GPC5: variants seen among roughly 807,000 people sequenced by gnomAD.
The protein encoded by GPC5 is glypican 5.
Under a neutral mutation model 53.9 loss-of-function variants are expected in GPC5, and 47 were observed. The observed-to-expected ratio is 0.87, with a 90% CI of 0.69 to 1.11. The LOEUF (loss-of-function observed/expected upper bound fraction) is 1.11. Among genes scored for constraint, GPC5 ranks in the 50% most tolerant of loss-of-function variants. The probability of loss-of-function intolerance (pLI) is 0.00; values close to 1 mark genes in which losing one functional copy is unlikely to be tolerated. For missense variants in GPC5, 748 were observed against 713.1 expected (o/e 1.05, Z -0.56); for synonymous variants, 286 against 263.3 (o/e 1.09, Z -0.84).
intron 2 of GPC5, among the ~76,000 whole-genome samples, chr13:91,538,973 A>T (rs1886724867): frequency 6.6e-6 from 1 of 152,160 alleles, no homozygotes; most frequent in Admixed American, 6.5e-5. Flanking sequence ...CCTGAAAGAT[A>T]TTAATCATTA....
At chr13:91,538,628 G>A (rs996763877) in intron 2 of GPC5, among the ~76,000 whole-genome samples, 6 of 148,112 alleles carry the variant, frequency 4.1e-5, no homozygotes, top group African/African-American at 1.5e-4. Context: ...TGTCCCCCAG[G>A]CTGGAGTGCA....
chr13:91,402,150 G>C (rs1055995357), intron 1 of GPC5, among the ~76,000 whole-genome samples: 1 of 152,104 alleles, frequency 6.6e-6, no homozygotes, highest in African/African-American at 2.4e-5. Flanking sequence ...GAAAGGGGAA[G>C]TTCATAAAAA....
intron 7 of GPC5, among the ~76,000 whole-genome samples, chr13:92,637,191 G>T (rs1255045737): frequency 1.3e-5 from 2 of 152,106 alleles, no homozygotes; most frequent in African/African-American, 2.4e-5. Context: ...TTTCTGAAGA[G>T]AAATCTGATC....
intron 3 of GPC5, among the ~76,000 whole-genome samples, chr13:91,723,347 G>A (rs562512063): frequency 1.3e-5 from 2 of 151,290 alleles, no homozygotes; most frequent in African/African-American, 4.9e-5. Flanking sequence ...ATTTGCATGG[G>A]TTTAACTATT....
At chr13:92,756,495 AG>A (rs1874879703) in intron 7 of GPC5, among the ~76,000 whole-genome samples, 1 of 152,078 alleles carries the variant, frequency 6.6e-6, no homozygotes, top group Non-Finnish European at 1.5e-5. Flanking sequence ...ATCAGGCAGG[AG>A]AATGAAATAA....
At position 92,848,195 on chromosome 13, in the gene GPC5, T is replaced by G. The variant is rs114035961; in HGVS notation, c.1562-18087T>G. 9.7e-3 allele frequency among the ~76,000 whole-genome samples: 1,483 copies of G among 152,276 alleles called. 26 individuals are homozygous for G. The highest frequency in any genetic ancestry group is 0.034 in the African/African-American group (1,433 of 41,558). On this transcript the variant is annotated intron_variant, in intron 7 of 7. Transcript: ENST00000377067. ...CCTGTGTAAAAATATTAAAAAGTATTTTTTACATTTATGATTTTATTGAAT... is the reference window on the plus strand; with the variant it reads ...CCTGTGTAAAAATATTAAAAAGTATGTTTTACATTTATGATTTTATTGAAT...
chr13:92,827,695 C>T (rs920624910), intron 7 of GPC5, among the ~76,000 whole-genome samples: 24 of 152,074 alleles, frequency 1.6e-4, no homozygotes, highest in Admixed American at 7.2e-4. Flanking sequence ...AAAGTGCCTT[C>T]GGTTCCTTGA....
chr13:91,780,520 T>C lies in GPC5; in HGVS notation c.1280+24100T>C, dbSNP rs373127888. On this transcript the variant is annotated intron_variant, in intron 5 of 7. Coordinates refer to ENST00000377067, the MANE Select transcript of GPC5 (RefSeq NM_004466.6). ...CTTTCTTTTACGTTTCTCTTACCTC[T>C]ACCCTTCTATGAGCTTTAAGCTTCT... is the stretch of plus-strand genomic sequence containing the variant. 2.6e-5 allele frequency among the ~76,000 whole-genome samples: 4 copies of C among 152,296 alleles called. No homozygotes were observed. In the South Asian group the frequency reaches 8.3e-4, roughly 32 times the overall value.
At chr13:92,467,470 G>A (rs1878741781) in intron 7 of GPC5, among the ~76,000 whole-genome samples, 1 of 152,036 alleles carries the variant, frequency 6.6e-6, no homozygotes. Context: ...AGAAAATGAT[G>A]TTCTAATTGA....
chr13:91,774,793 C>A lies in GPC5; in HGVS notation c.1280+18373C>A, dbSNP rs182681752. ...CAACTCTGTGCTGCAATTTGTGTTT[C>A]ATTGCTTCCTGGTGGGATCAGAGGA... On this transcript the variant is annotated intron_variant, in intron 5 of 7. Transcript: ENST00000377067. Among the ~76,000 whole-genome samples, 38 of 152,300 alleles carry A rather than the reference C, an allele frequency of 2.5e-4. No individual in the cohort carries two copies. In the East Asian group the frequency reaches 7.3e-3, roughly 29 times the overall value.
chr13:92,360,370 T>C (rs2043555835), intron 7 of GPC5, among the ~76,000 whole-genome samples: 1 of 151,662 alleles, frequency 6.6e-6, no homozygotes, highest in Non-Finnish European at 1.5e-5. Flanking sequence ...GAACTAAAGA[T>C]AAAAACTTCA....
intron 7 of GPC5, among the ~76,000 whole-genome samples, chr13:92,481,693 G>A (rs1386631583): frequency 6.6e-6 from 1 of 152,096 alleles, no homozygotes; most frequent in African/African-American, 2.4e-5. Context: ...AGCTGAGATG[G>A]GGGATCATTT....
chr13:92,399,311 A>G (rs924485271), intron 7 of GPC5, among the ~76,000 whole-genome samples: 3 of 152,206 alleles, frequency 2.0e-5, no homozygotes, highest in Non-Finnish European at 4.4e-5. Flanking sequence ...TGAGTATAAT[A>G]CTAGAGACCA....
intron 2 of GPC5, among the ~76,000 whole-genome samples, chr13:91,570,453 G>A (rs2031730807): frequency 6.6e-6 from 1 of 152,174 alleles, no homozygotes; most frequent in Non-Finnish European, 1.5e-5. Flanking sequence ...AAGCACTTGT[G>A]TTCCAAAGGA....
At chr13:92,412,897 A>G (rs553371396) in intron 7 of GPC5, among the ~76,000 whole-genome samples, 1 of 152,198 alleles carries the variant, frequency 6.6e-6, no homozygotes, top group East Asian at 1.9e-4. Flanking sequence ...ACATGGAGGC[A>G]GTTGCTGGTA....
intron 7 of GPC5, among the ~76,000 whole-genome samples, chr13:92,543,046 A>G (rs1881979936): frequency 6.6e-6 from 1 of 151,996 alleles, no homozygotes; most frequent in Non-Finnish European, 1.5e-5. Flanking sequence ...AGTTTTCAGT[A>G]TTAATTACAT....
intron 7 of GPC5, among the ~76,000 whole-genome samples, chr13:92,494,105 T>C (rs532417185): frequency 2.6e-3 from 380 of 145,824 alleles, no homozygotes; most frequent in Non-Finnish European, 4.9e-3. Flanking sequence ...GTTTTGTTTT[T>C]TTGAGACGGA....
At chr13:92,196,152 A>C (rs1462466240) in intron 7 of GPC5, among the ~76,000 whole-genome samples, 3 of 152,064 alleles carry the variant, frequency 2.0e-5, no homozygotes, top group African/African-American at 7.2e-5. Context: ...AAAAAGATGT[A>C]TCCCCTTGAA....
chr13:92,528,490 A>G (rs189373636), intron 7 of GPC5, among the ~76,000 whole-genome samples: 1 of 152,130 alleles, frequency 6.6e-6, no homozygotes, highest in East Asian at 1.9e-4. Flanking sequence ...TACAATTTAT[A>G]TTAATGTCTA....
Sources: gnomAD v4.1 joint callset for allele counts (sites outside exome capture counted in the v4.1 genomes callset) on GRCh38, gnomAD v4.1.1 for gene constraint, MANE v1.5 for transcripts, NCBI Gene and HGNC (gene_info 2026-07-23, HGNC 2026-07-21) for gene names.